Variants in DENND2B observed in about 807,000 individuals in gnomAD.
The protein encoded by DENND2B is DENN domain containing 2B.
In DENND2B, 32 loss-of-function variants were observed where a neutral mutation model predicts 116.0. The ratio of observed to expected loss-of-function variants is 0.28; its 90% CI spans 0.21 to 0.37. The LOEUF is 0.37. Among genes scored for constraint, DENND2B ranks in the 10% least tolerant of loss-of-function variants. The pLI, the probability that DENND2B is intolerant of heterozygous loss-of-function variation, is 1.00. For missense variants in DENND2B, 1,276 were observed against 1,477.7 expected, an observed-to-expected ratio of 0.86 and a Z score of 2.24; for synonymous variants, 588 against 583.9, an observed-to-expected ratio of 1.01 and a Z score of -0.10.
At chr11:8,804,372 G>T (rs1227744504) in intron 1 of DENND2B, among the ~76,000 whole-genome samples, 1 of 68,330 alleles carries the variant, frequency 1.5e-5, no homozygotes, top group Non-Finnish European at 3.6e-5. Context: ...TAAGACATGG[G>T]GAGCTGTCTG....
chr11:8,898,074 C>A (rs2064124672), intron 1 of DENND2B, among the ~76,000 whole-genome samples: 1 of 152,184 alleles, frequency 6.6e-6, no homozygotes, highest in South Asian at 2.1e-4. Context: ...GCCACATGGC[C>A]TTGACTGAAC....
intron 1 of DENND2B, chr11:8,776,163 C>T: frequency 4.9e-6 from 1 of 205,154 alleles, no homozygotes; most frequent in Non-Finnish European, 1.0e-5. Context: ...CGCGCGCGCA[C>T]ACACACACAC....
At position 8,717,850 on chromosome 11, in the gene DENND2B, T is replaced by C; in HGVS notation, c.1520A>G (p.Lys507Arg). Residue 507 changes from lysine to arginine, a missense_variant, in exon 5 of 20, where the codon AAG (lysine) becomes AGG (arginine). Coordinates refer to ENST00000313726, the MANE Select transcript of DENND2B (RefSeq NM_213618.2). Reference sequence around the variant, plus strand: ...GGATTTTCGTCCTGCTCTTCGGCTCTTTAAGTCCACATCCTCATATGGATT... The same window carrying C: ...GGATTTTCGTCCTGCTCTTCGGCTCCTTAAGTCCACATCCTCATATGGATT... ...KENPYEDVDLKSRRAGRKSQQ... is the reference protein window; with the variant it reads ...KENPYEDVDLRSRRAGRKSQQ... 1 of 1,613,266 alleles carries C rather than the reference T, an allele frequency of 6.2e-7. No homozygotes were observed. The highest frequency in any genetic ancestry group is 8.5e-7 in the Non-Finnish European group (1 of 1,179,540).
chr11:8,897,683 A>C (rs916293926), intron 1 of DENND2B, among the ~76,000 whole-genome samples: 2 of 152,254 alleles, frequency 1.3e-5, no homozygotes, highest in Admixed American at 1.3e-4. Context: ...GGTTATGCAC[A>C]TGCCCAGGAG....
At chr11:8,762,062 A>G (rs2054761943) in intron 1 of DENND2B, among the ~76,000 whole-genome samples, 2 of 152,198 alleles carry the variant, frequency 1.3e-5, no homozygotes, top group Admixed American at 1.3e-4. Context: ...ACAGATCCTC[A>G]ATGAGCTACA....
chr11:8,872,369 T>C (rs1252123586), upstream of DENND2B, among the ~76,000 whole-genome samples: 3 of 151,210 alleles, frequency 2.0e-5, no homozygotes, highest in Non-Finnish European at 4.4e-5. Flanking sequence ...GCCTGTAATC[T>C]CAGCTACTAG....
In DENND2B at chr11:8,712,683, G is replaced by C; in HGVS notation, c.2040C>G (p.Ser680Arg). 2 of 1,611,386 alleles carry C rather than the reference G, an allele frequency of 1.2e-6. No individual in the cohort carries two copies. Among genetic ancestry groups the C allele is most frequent in the Non-Finnish European group, 1.7e-6 (2 of 1,179,132 alleles). ...HIQSMLKRAP[S>R]YRTLELELLE... Reference sequence around the variant, plus strand: ...GCAGCTCCAGCTCCAGCGTGCGATAGCTGGGGGCGCGCTTCAGCATCGACT... The same window carrying C: ...GCAGCTCCAGCTCCAGCGTGCGATACCTGGGGGCGCGCTTCAGCATCGACT... Residue 680 changes from serine to arginine, a missense_variant, in exon 9 of 20, where the codon AGC becomes AGG. Ser to Arg is a moderately radical substitution (Grantham distance 110, BLOSUM62 -1). Around this residue, in one of 2 missense-constraint regions of DENND2B, gnomAD observed 420 missense variants for 631.1 expected, o/e 0.67. Transcript: ENST00000313726. This position sits in a 1 kb window ranked among gnomAD's most constrained non-coding sequence, Gnocchi z 4.4.
intron 14 of DENND2B, among the ~76,000 whole-genome samples, chr11:8,700,764 G>GA (rs1389670499): frequency 6.6e-6 from 1 of 152,056 alleles, no homozygotes; most frequent in Non-Finnish European, 1.5e-5. Context: ...GACTTACTAA[G>GA]AAATTATTTT....
intron 2 of DENND2B, among the ~76,000 whole-genome samples, chr11:8,859,753 C>G (rs2063331906): frequency 6.6e-6 from 1 of 152,144 alleles, no homozygotes; most frequent in South Asian, 2.1e-4. Flanking sequence ...CAGCACTGCC[C>G]CACTACCCCC....
At chr11:8,876,021 T>G (rs140397201), upstream of DENND2B, among the ~76,000 whole-genome samples, 753 of 152,324 alleles carry the variant, frequency 4.9e-3, 6 homozygotes, top group Non-Finnish European at 8.8e-3. Context: ...GAAAAATAAA[T>G]GTAGTACTCC....
chr11:8,730,256 G>T lies in DENND2B; in HGVS notation c.1034C>A (p.Ala345Glu). ...GSRAVGVAGV[A>E]GEAGPPPERE... ...CTCTGGGGGTGGGCCCGCCTCCCCC[G>T]CAACACCAGCCACTCCGACTGCCCG... is the stretch of plus-strand genomic sequence containing the variant. The change falls in exon 3 of 20, where the codon GCG becomes GAG. Residue 345 changes from alanine (A) to glutamate (E), a missense_variant. By Grantham distance (107) the Ala-to-Glu change is moderately radical (BLOSUM62 -1). Around this residue, in one of 2 missense-constraint regions of DENND2B, gnomAD observed 856 missense variants for 846.6 expected, o/e 1.01. Coordinates refer to ENST00000313726, the MANE Select transcript of DENND2B (RefSeq NM_213618.2). This position sits in a 1 kb window ranked among gnomAD's most constrained non-coding sequence, Gnocchi z 4.1. The T allele has an allele frequency of 1.2e-6, 2 of 1,610,568 alleles. No homozygotes were observed. Among genetic ancestry groups the T allele is most frequent in the South Asian group, 1.1e-5 (1 of 90,896 alleles).
intron 1 of DENND2B, chr11:8,771,566 A>AGAGAGAGAGAGAGAGAGAGCGCGAGC (rs146752028): frequency 8.3e-6 from 1 of 120,310 alleles, no homozygotes; most frequent in Admixed American, 8.3e-5. Flanking sequence ...AGAGAGAGAG[A>AGAGAGAGAGAGAGAGAGAGCGCGAGC]GCCTTCTTCC....
chr11:8,732,068 G>A (rs1311256010), intron 2 of DENND2B, among the ~76,000 whole-genome samples: 1 of 152,120 alleles, frequency 6.6e-6, no homozygotes, highest in African/African-American at 2.4e-5. Context: ...GGTCAGAAGC[G>A]CCCCTCAGGA....
At chr11:8,900,736 G>A (rs931100932) in intron 1 of DENND2B, among the ~76,000 whole-genome samples, 1 of 151,938 alleles carries the variant, frequency 6.6e-6, no homozygotes, top group African/African-American at 2.4e-5. Context: ...GGAGGCCGAG[G>A]TGGGTAGATC....
chr11:8,727,967 AC>A (rs1565745871), intron 3 of DENND2B, among the ~76,000 whole-genome samples: 2 of 860 alleles, frequency 2.3e-3, no homozygotes, highest in African/African-American at 0.011. Flanking sequence ...TTACACAAAC[AC>A]ACACACACAC....
intron 2 of DENND2B, among the ~76,000 whole-genome samples, chr11:8,748,570 G>T (rs1459158607): frequency 1.3e-5 from 2 of 151,346 alleles, no homozygotes; most frequent in African/African-American, 4.9e-5. Context: ...GGTGTCACTA[G>T]CCACAGAGGC....
chr11:8,834,704 A>T (rs910640102), intron 4 of DENND2B, among the ~76,000 whole-genome samples: 1 of 152,160 alleles, frequency 6.6e-6, no homozygotes, highest in South Asian at 2.1e-4. Context: ...TCTCTTCTAG[A>T]GCAACTTCAC....
chr11:8,766,125 A>G (rs1221050786), intron 1 of DENND2B, among the ~76,000 whole-genome samples: 2 of 152,142 alleles, frequency 1.3e-5, no homozygotes, highest in Non-Finnish European at 1.5e-5. Context: ...ACTAAGGCCC[A>G]TGAACTAAGA....
intron 4 of DENND2B, among the ~76,000 whole-genome samples, chr11:8,838,031 A>T (rs532433140): frequency 1.3e-5 from 2 of 152,258 alleles, no homozygotes; most frequent in Non-Finnish European, 2.9e-5. Context: ...AGGCATGGAC[A>T]GGCAGTTATC....
Sources: allele counts gnomAD v4.1 joint callset (sites outside exome capture counted in the v4.1 genomes callset), GRCh38; gene constraint gnomAD v4.1.1; regional missense constraint gnomAD v4.1.1; non-coding constraint Gnocchi (gnomAD v3.1); transcripts MANE v1.5; gene names NCBI Gene and HGNC (gene_info 2026-07-23, HGNC 2026-07-21).